The following SGCD variants were observed in gnomAD, a reference collection of about 807,000 sequenced individuals.
The protein encoded by SGCD is delta-sarcoglycan.
In SGCD, 18 loss-of-function variants were observed where a neutral mutation model predicts 36.6. That is an observed-to-expected ratio of 0.49 (90% CI 0.34 to 0.73). SGCD has a LOEUF of 0.73. Ranked by LOEUF, SGCD falls within the 30% of genes least tolerant of loss-of-function variation. The pLI is 0.01. For synonymous variants in SGCD, 133 were observed against 130.6 expected (o/e 1.02, Z -0.12); for missense variants, 387 against 346.7 (o/e 1.12, Z -0.92).
At chr5:155,825,071 A>G in the SGCD span, among the ~76,000 whole-genome samples, 1 of 152,232 alleles carries the variant, frequency 6.6e-6, no homozygotes, top group South Asian at 2.1e-4. Context: ...TTAAAATCAG[A>G]TCAATGTTTT....
intron 3 of SGCD, among the ~76,000 whole-genome samples, chr5:156,295,629 G>A (rs1443853020): frequency 6.6e-6 from 1 of 152,130 alleles, no homozygotes; most frequent in Non-Finnish European, 1.5e-5. Context: ...GGATCCAGGG[G>A]ATTTGCTAGT....
intron 7 of SGCD, among the ~76,000 whole-genome samples, chr5:156,681,617 G>A (rs946371128): frequency 1.3e-5 from 2 of 152,194 alleles, no homozygotes; most frequent in Non-Finnish European, 2.9e-5. Flanking sequence ...TGTCAACAGG[G>A]TATTTGGGGC....
At chr5:156,340,716 G>C (rs1342028233) in intron 2 of SGCD, among the ~76,000 whole-genome samples, 1 of 152,162 alleles carries the variant, frequency 6.6e-6, no homozygotes, top group Admixed American at 6.5e-5. Context: ...GTCTTCAAAG[G>C]CCTGGGGTCT....
the SGCD span, among the ~76,000 whole-genome samples, chr5:155,781,310 C>T: frequency 6.6e-6 from 1 of 152,142 alleles, no homozygotes; most frequent in Non-Finnish European, 1.5e-5. Context: ...ATTCCCATCA[C>T]ACCTCACAAA....
rs75778888 is a variant in SGCD, at chr5:156,088,359, T to C, written c.-281-29519T>C. Among the ~76,000 whole-genome samples the C allele has an allele frequency of 5.0e-3, 766 of 152,192 alleles. 5 individuals carry two copies. The highest frequency in any genetic ancestry group is 0.018 in the African/African-American group (740 of 41,512). On this transcript the variant is annotated intron_variant, in intron 1 of 9. Coordinates refer to the SGCD transcript ENST00000517913. ...ATTGAGAGTCTTATTTATGGGCCAT[T>C]GGGCTGTATCTTTTCCAGTTACACC...
intron 3 of SGCD, among the ~76,000 whole-genome samples, chr5:156,269,156 C>T (rs1456931439): frequency 2.0e-5 from 3 of 151,886 alleles, no homozygotes; most frequent in Admixed American, 6.6e-5. Flanking sequence ...GAAGCAAAAG[C>T]TGAAACCCCT....
Position 156,072,864 on chromosome 5 carries a change from G to A in SGCD, c.-281-45014G>A, listed in dbSNP as rs1156927361. Among the ~76,000 whole-genome samples, 7 of 151,996 alleles carry A rather than the reference G, an allele frequency of 4.6e-5. 1 individual carries two copies. The highest frequency in any genetic ancestry group is 4.2e-4 in the South Asian group (2 of 4,814). On this transcript the variant is annotated intron_variant, in intron 1 of 9. Coordinates refer to the SGCD transcript ENST00000517913. ...CTTTTTTCTCTAAACTTCCCTTCTCGCTTCATTTCATTCATTTCATCTTCC... is the reference window on the plus strand; with the variant it reads ...CTTTTTTCTCTAAACTTCCCTTCTCACTTCATTTCATTCATTTCATCTTCC...
chr5:156,119,507 G>T (rs1447628782), intron 2 of SGCD, among the ~76,000 whole-genome samples: 1 of 152,068 alleles, frequency 6.6e-6, no homozygotes, highest in East Asian at 1.9e-4. Flanking sequence ...GTATCTCCAC[G>T]ATCACACTTC....
At chr5:155,927,367 GA>G in intron 1 of SGCD, among the ~76,000 whole-genome samples, 1 of 152,222 alleles carries the variant, frequency 6.6e-6, no homozygotes, top group South Asian at 2.1e-4. Flanking sequence ...AAGATAACTG[GA>G]AAATATCTGT....
chr5:155,964,725 A>G (rs1375294813), intron 1 of SGCD, among the ~76,000 whole-genome samples: 5 of 152,096 alleles, frequency 3.3e-5, no homozygotes, highest in African/African-American at 1.2e-4. Context: ...CAGAGAATCC[A>G]TGACAGAGCT....
chr5:155,874,386 A>G (rs1420187766), intron 1 of SGCD, among the ~76,000 whole-genome samples: 1 of 152,192 alleles, frequency 6.6e-6, no homozygotes, highest in Non-Finnish European at 1.5e-5. Context: ...TTTGTCAAAG[A>G]CTTTAAAATA....
intron 3 of SGCD, among the ~76,000 whole-genome samples, chr5:156,184,826 A>G (rs1207947649): frequency 6.6e-6 from 1 of 152,206 alleles, no homozygotes; most frequent in Non-Finnish European, 1.5e-5. Flanking sequence ...AAGAGGAGCC[A>G]GTTATATCAA....
intron 6 of SGCD, among the ~76,000 whole-genome samples, chr5:156,599,593 T>G (rs976060281): frequency 1.3e-5 from 2 of 152,172 alleles, no homozygotes; most frequent in Non-Finnish European, 2.9e-5. Context: ...CTATTCAGTT[T>G]TTAGGACAAT....
chr5:156,017,834 A>G (rs536886394), intron 1 of SGCD, among the ~76,000 whole-genome samples: 1 of 152,282 alleles, frequency 6.6e-6, no homozygotes, highest in African/African-American at 2.4e-5. Context: ...AAGAACCATC[A>G]TCTCCTCTTT....
chr5:156,396,296 C>A (rs770102501), intron 3 of SGCD, among the ~76,000 whole-genome samples: 2 of 152,092 alleles, frequency 1.3e-5, no homozygotes, highest in Non-Finnish European at 2.9e-5. Flanking sequence ...GGAAGGAAGC[C>A]AAGAAAATCA....
At chr5:155,924,560 A>G (rs1269530925) in intron 1 of SGCD, among the ~76,000 whole-genome samples, 3 of 152,348 alleles carry the variant, frequency 2.0e-5, no homozygotes, top group Middle Eastern at 3.4e-3. Context: ...CAGGCAGCAA[A>G]TTAACAAAGG....
At chr5:156,053,949 T>C (rs187884114) in intron 1 of SGCD, among the ~76,000 whole-genome samples, 8 of 145,624 alleles carry the variant, frequency 5.5e-5, no homozygotes, top group African/African-American at 1.7e-4. Context: ...GGGGCACTGA[T>C]TCCATTGACG....
chr5:156,729,643 C>T (rs1755957952), intron 7 of SGCD, among the ~76,000 whole-genome samples: 1 of 152,182 alleles, frequency 6.6e-6, no homozygotes, highest in Admixed American at 6.5e-5. Context: ...GATTAGCCAT[C>T]CCAGGCTGAC....
intron 6 of SGCD, among the ~76,000 whole-genome samples, chr5:156,601,873 G>GA (rs1761207096): frequency 7.3e-6 from 1 of 136,312 alleles, no homozygotes; most frequent in African/African-American, 3.8e-5. Flanking sequence ...TAGTAGAGAC[G>GA]GGTTTCACCG....
Sources: gnomAD v4.1 joint callset for allele counts (sites outside exome capture counted in the v4.1 genomes callset) on GRCh38, gnomAD v4.1.1 for gene constraint, MANE v1.5 for transcripts, NCBI Gene and HGNC (gene_info 2026-07-23, HGNC 2026-07-21) for gene names.